Variants in KDM5A observed in about 807,000 individuals in gnomAD.
KDM5A encodes lysine demethylase 5A.
Under a neutral mutation model 193.5 loss-of-function variants are expected in KDM5A, and 42 were observed. The observed-to-expected ratio is 0.22, with a 90% CI of 0.17 to 0.28. The LOEUF (loss-of-function observed/expected upper bound fraction) is 0.28, where lower values mean the gene tolerates loss of function less well. Among genes scored for constraint, KDM5A ranks in the 10% least tolerant of loss-of-function variants. The pLI, the probability that KDM5A is intolerant of heterozygous loss-of-function variation, is 1.00. For synonymous variants in KDM5A, 796 were observed against 718.1 expected, an observed-to-expected ratio of 1.11 and a Z score of -1.73; for missense variants, 1,692 against 2,055.1, an observed-to-expected ratio of 0.82 and a Z score of 3.42.
intron 3 of KDM5A, among the ~76,000 whole-genome samples, chr12:372,454 TTTGCTGAAG>T (rs1242166350): frequency 6.6e-6 from 1 of 152,240 alleles, no homozygotes; most frequent in East Asian, 1.9e-4. Flanking sequence ...ATCCTGAGAC[TTTGCTGAAG>T]TTGCTTTTCA....
At chr12:311,157 C>A (rs1320390431) in intron 20 of KDM5A, 93 bp from the exon 21 acceptor site, 2 of 1,064,850 alleles carry the variant, frequency 1.9e-6, no homozygotes, top group Non-Finnish European at 1.4e-6. Context: ...AGTGTTAGTT[C>A]TTTTATTAAA....
chr12:369,278 T>C (rs1210351087), intron 3 of KDM5A, among the ~76,000 whole-genome samples: 1 of 152,194 alleles, frequency 6.6e-6, no homozygotes, highest in Non-Finnish European at 1.5e-5. Context: ...TGGAAGCAAC[T>C]GGATGGATTA....
At chr12:323,917 T>C (rs1188542182) in intron 14 of KDM5A, 136 bp from the exon 15 acceptor site, 1 of 722,696 alleles carries the variant, frequency 1.4e-6, no homozygotes, top group African/African-American at 1.8e-5. Context: ...TGGCACAACA[T>C]CAAAATACTT....
intron 4 of KDM5A, among the ~76,000 whole-genome samples, chr12:364,119 A>G (rs1016122963): frequency 9.2e-5 from 14 of 152,224 alleles, no homozygotes; most frequent in African/African-American, 3.4e-4. Context: ...AAGCCTCTAC[A>G]TTACTGGTGG....
intron 3 of KDM5A, among the ~76,000 whole-genome samples, chr12:373,993 C>G (rs962134187): frequency 3.9e-5 from 6 of 152,164 alleles, no homozygotes; most frequent in Non-Finnish European, 7.3e-5. Flanking sequence ...GAGGGCTTTA[C>G]TTCCAACTAT....
At chr12:367,685 G>C (rs1266157283) in intron 3 of KDM5A, among the ~76,000 whole-genome samples, 1 of 151,300 alleles carries the variant, frequency 6.6e-6, no homozygotes, top group Admixed American at 6.6e-5. Flanking sequence ...CTGGACAGTA[G>C]AGTGAGACTC....
Position 329,664 on chromosome 12 carries a change from T to C in KDM5A, c.1774-635A>G, listed in dbSNP as rs1197417748. The stretch of plus-strand genomic sequence containing the variant: ...ATAATTCAAAGTGAAATTATAAAAT[T>C]ATATACTTTATTTCCCTAACAGTGA... On this transcript the variant is annotated intron_variant, in intron 13 of 27. Coordinates refer to ENST00000399788, the MANE Select transcript of KDM5A (RefSeq NM_001042603.3). Among the ~76,000 whole-genome samples, 3 of 152,112 alleles carry C rather than the reference T, an allele frequency of 2.0e-5. No individual in the cohort carries two copies. The South Asian group carries it at 6.2e-4, about 31-fold the overall frequency.
intron 3 of KDM5A, among the ~76,000 whole-genome samples, chr12:368,500 G>A (rs1410161074): frequency 6.6e-6 from 1 of 152,134 alleles, no homozygotes; most frequent in Non-Finnish European, 1.5e-5. Context: ...GGAGGCTGAG[G>A]CAGGCGGATC....
chr12:334,302 A>C lies in KDM5A; in HGVS notation c.1429T>G (p.Phe477Val). ...KVPWLYVGMCFSSFCWHIEDH... is the reference protein window; with the variant it reads ...KVPWLYVGMCVSSFCWHIEDH... The stretch of plus-strand genomic sequence containing the variant: ...TCAATGTGCCAGCAAAAAGAAGAGA[A>C]GCACATTCCCACATAGAGCCACGGC... Residue 477 changes from phenylalanine to valine, a missense_variant, in exon 11 of 28, where the codon TTC (phenylalanine) becomes GTC (valine). Coordinates refer to ENST00000399788, the MANE Select transcript of KDM5A (RefSeq NM_001042603.3). 6.2e-7 allele frequency: 1 copy of C among 1,614,168 alleles called. No homozygotes were observed. The highest frequency in any genetic ancestry group is 8.5e-7 in the Non-Finnish European group (1 of 1,180,002).
intron 3 of KDM5A, among the ~76,000 whole-genome samples, chr12:380,561 A>G (rs1944561301): frequency 6.6e-6 from 1 of 152,028 alleles, no homozygotes; most frequent in Non-Finnish European, 1.5e-5. Context: ...TACTAAAAAT[A>G]TAAAAATTAG....
At chr12:370,633 T>C (rs868776077) in intron 3 of KDM5A, among the ~76,000 whole-genome samples, 4 of 151,868 alleles carry the variant, frequency 2.6e-5, no homozygotes, top group Admixed American at 6.6e-5. Context: ...TTAATTATAC[T>C]TTAAGTTCTA....
chr12:355,334 TTA>T lies in KDM5A; in HGVS notation c.779-87_779-86del, dbSNP rs1944218792. The T allele has an allele frequency of 7.5e-6, 6 of 796,052 alleles. No homozygotes were observed. In the South Asian group the frequency reaches 8.4e-5, roughly 11 times the overall value. The allele number at this position is 796,052 out of a possible 1,614,324, so 49.3% of individuals were successfully genotyped here. A position where few individuals can be genotyped will look rare whatever the true frequency, so the allele number is the denominator to read the frequency against. On this transcript the variant is annotated intron_variant, in intron 6 of 27. Coordinates refer to ENST00000399788, the MANE Select transcript of KDM5A (RefSeq NM_001042603.3). ...CAGACACTATTTAAAATTATTTAAA[TTA>T]GTTAAAATCTTACAACTGTTTATCT...
intron 10 of KDM5A, among the ~76,000 whole-genome samples, chr12:345,157 C>A (rs901155711): frequency 6.6e-6 from 1 of 151,644 alleles, no homozygotes; most frequent in Admixed American, 6.6e-5. Flanking sequence ...CAACAAAGAT[C>A]TAAAGAGACA....
intron 10 of KDM5A, among the ~76,000 whole-genome samples, chr12:336,564 T>C (rs902056207): frequency 3.9e-5 from 6 of 152,116 alleles, no homozygotes; most frequent in African/African-American, 1.4e-4. Flanking sequence ...GTGAATTTCA[T>C]TGAAGAGACA....
At chr12:366,809 T>C (rs1944362122) in intron 3 of KDM5A, among the ~76,000 whole-genome samples, 1 of 152,184 alleles carries the variant, frequency 6.6e-6, no homozygotes, top group Non-Finnish European at 1.5e-5. Context: ...TTACTATACA[T>C]CTCTTAGGCT....
chr12:307,137 A>G lies in KDM5A; in HGVS notation c.3931-48T>C, dbSNP rs916194131. 6.2e-7 allele frequency: 1 copy of G among 1,610,222 alleles called. No homozygotes were observed. The highest frequency in any genetic ancestry group is 1.3e-5 in the African/African-American group (1 of 74,810). On this transcript the variant is annotated intron_variant, in intron 23 of 27. Coordinates refer to ENST00000399788, the MANE Select transcript of KDM5A (RefSeq NM_001042603.3). The surrounding 1 kb of genome is among the most constrained non-coding windows in gnomAD (Gnocchi z 4.3). ...ATGAACAGCAAGACATGCTAAACAG[A>G]CAGGGTAATTAATGTGTGCTTAAGA...
chr12:361,025 C>A (rs1231269866), intron 5 of KDM5A, among the ~76,000 whole-genome samples: 1 of 152,118 alleles, frequency 6.6e-6, no homozygotes, highest in Non-Finnish European at 1.5e-5. Flanking sequence ...CCTTTATTTT[C>A]TTTCTGAAAT....
intron 12 of KDM5A, chr12:333,188 T>C (rs4980884): frequency 0.24 from 96,208 of 404,982 alleles, 12,023 homozygotes; most frequent in South Asian, 0.29. Context: ...GGAGGCCGAG[T>C]TGGGAAGACT....
chr12:322,391 G>A (rs2137409241), intron 17 of KDM5A, 26 bp downstream of exon 17: 1 of 1,605,510 alleles, frequency 6.2e-7, no homozygotes, highest in African/African-American at 1.3e-5. Context: ...GAAAACACTG[G>A]AGAATTAAAC....
Sources: allele counts gnomAD v4.1 joint callset (sites outside exome capture counted in the v4.1 genomes callset), GRCh38; gene constraint gnomAD v4.1.1; non-coding constraint Gnocchi (gnomAD v3.1); transcripts MANE v1.5; gene names NCBI Gene and HGNC (gene_info 2026-07-23, HGNC 2026-07-21).